Variants in SCD5 observed in about 807,000 individuals in gnomAD.
The protein encoded by SCD5 is acyl-CoA-desaturase 4.
A neutral mutation model predicts 30.4 loss-of-function variants in SCD5; 20 were observed. The observed-to-expected ratio is 0.66, with a 90% CI of 0.46 to 0.96. SCD5 has a LOEUF of 0.96. Ranked by LOEUF, SCD5 falls within the 40% of genes least tolerant of loss-of-function variation. SCD5 has a pLI of 0.00. For synonymous variants in SCD5, 173 were observed against 176.4 expected, an observed-to-expected ratio of 0.98 and a Z score of 0.16; for missense variants, 381 against 443.3, an observed-to-expected ratio of 0.86 and a Z score of 1.26.
intron 3 of SCD5, among the ~76,000 whole-genome samples, chr4:82,680,359 T>C (rs1171883244): frequency 6.6e-6 from 1 of 152,146 alleles, no homozygotes. Flanking sequence ...GTCACTAAAA[T>C]GAAGCCAGCC....
intron 3 of SCD5, among the ~76,000 whole-genome samples, chr4:82,645,639 G>A (rs925946144): frequency 9.2e-5 from 14 of 152,158 alleles, no homozygotes; most frequent in Admixed American, 8.5e-4. Context: ...TCTGGACAAG[G>A]AGTCCATTTT....
intron 1 of SCD5, among the ~76,000 whole-genome samples, chr4:82,746,972 G>C (rs563413174): frequency 6.8e-6 from 1 of 146,926 alleles, no homozygotes; most frequent in Admixed American, 6.8e-5. Flanking sequence ...GGGAGAGGAG[G>C]AACGGGGAAC....
At chr4:82,667,501 A>G (rs1326310885) in intron 3 of SCD5, among the ~76,000 whole-genome samples, 4 of 152,234 alleles carry the variant, frequency 2.6e-5, no homozygotes, top group Non-Finnish European at 5.9e-5. Context: ...ATGTTGAATC[A>G]TCTCTGTCTT....
intron 3 of SCD5, among the ~76,000 whole-genome samples, chr4:82,646,906 T>A (rs907954212): frequency 6.6e-6 from 1 of 152,132 alleles, no homozygotes; most frequent in African/African-American, 2.4e-5. Flanking sequence ...CACTGCAACC[T>A]CCGCTTCCTG....
Position 82,658,860 on chromosome 4 carries a change from G to A in SCD5, c.569+21847C>T, listed in dbSNP as rs534362952. On this transcript the variant is annotated intron_variant, in intron 3 of 4. Transcript: ENST00000319540. ...GCTGCTGGTCTCATCAAATGAGTTA[G>A]GGAGGAGTCCCTCTTTTTCTATTGT... Among the ~76,000 whole-genome samples, 11 of 152,144 alleles carry A rather than the reference G, an allele frequency of 7.2e-5. No individual in the cohort carries two copies. In the South Asian group the frequency reaches 2.1e-3, roughly 29 times the overall value.
At chr4:82,729,040 T>C (rs1367865094) in intron 1 of SCD5, among the ~76,000 whole-genome samples, 1 of 152,170 alleles carries the variant, frequency 6.6e-6, no homozygotes, top group African/African-American at 2.4e-5. Context: ...GAGAAAGGTA[T>C]AGAAGTGTTT....
chr4:82,712,293 TA>T lies in SCD5; in HGVS notation c.233-6881del, dbSNP rs1720123521. On this transcript the variant is annotated intron_variant, in intron 1 of 4. Coordinates refer to ENST00000319540, the MANE Select transcript of SCD5 (RefSeq NM_001037582.3). The stretch of plus-strand genomic sequence containing the variant: ...ATATATATATATATATATATATATA[TA>T]TATTTTATTTTTATTTTATTTTTTT... Among the ~76,000 whole-genome samples, 7 of 43,544 alleles carry T rather than the reference TA, an allele frequency of 1.6e-4. 1 individual carries two copies. Among genetic ancestry groups the T allele is most frequent in the African/African-American group, 4.0e-4 (4 of 10,106 alleles). The allele number at this position is 43,544 out of a possible 152,430, so 28.6% of individuals were successfully genotyped here. A position where few individuals can be genotyped will look rare whatever the true frequency, so the allele number is the denominator to read the frequency against.
intron 3 of SCD5, among the ~76,000 whole-genome samples, chr4:82,650,066 G>C (rs1727716401): frequency 6.6e-6 from 1 of 152,118 alleles, no homozygotes; most frequent in South Asian, 2.1e-4. Flanking sequence ...CTTCATCCCT[G>C]CTAAAGCTGT....
intron 3 of SCD5, among the ~76,000 whole-genome samples, chr4:82,653,711 G>GATAGATAGATAGAT (rs1553914420): frequency 0.016 from 2,286 of 147,348 alleles, 33 homozygotes; most frequent in South Asian, 0.056. Flanking sequence ...GATAGATATA[G>GATAGATAGATAGAT]ATAGATAGAT....
chr4:82,798,473 G>T lies in SCD5; in HGVS notation c.65C>A (p.Ala22Asp). ...GCCGCCCTCAGAGCTTTCGAGCCCG[G>T]CACGGATTTCTTCCTTGGCGTCGCA... is the stretch of plus-strand genomic sequence containing the variant. The part of the protein sequence containing the change: ...PFCDAKEEIR[A>D]GLESSEGGGG... The change falls in exon 1 of 5, where the codon GCC (alanine) becomes GAC (aspartate). Residue 22 changes from alanine (A) to aspartate (D), a missense_variant. By Grantham distance (126) the Ala-to-Asp change is moderately radical. Coordinates refer to ENST00000319540, the MANE Select transcript of SCD5 (RefSeq NM_001037582.3). 2 of 1,612,750 alleles carry T rather than the reference G, an allele frequency of 1.2e-6. No homozygotes were observed. The highest frequency in any genetic ancestry group is 3.3e-5 in the Admixed American group (2 of 59,950).
intron 2 of SCD5, among the ~76,000 whole-genome samples, chr4:82,702,710 C>G (rs1719879787): frequency 6.6e-6 from 1 of 152,114 alleles, no homozygotes; most frequent in African/African-American, 2.4e-5. Context: ...GAGAGAGAAT[C>G]TTTGAAACTA....
chr4:82,773,957 C>T (rs1352579774), intron 1 of SCD5, among the ~76,000 whole-genome samples: 3 of 151,874 alleles, frequency 2.0e-5, no homozygotes, highest in Admixed American at 6.6e-5. Flanking sequence ...GGCATGGTGG[C>T]GCATGCCTGT....
intron 3 of SCD5, among the ~76,000 whole-genome samples, chr4:82,679,211 A>AAGG (rs1553915586): frequency 1.2e-5 from 1 of 81,604 alleles, no homozygotes; most frequent in Non-Finnish European, 2.4e-5. Context: ...AAAAAAAAAA[A>AAGG]AAAGAAAGAA....
At chr4:82,795,809 CAAAAAAAAAAA>C (rs72115040) in intron 1 of SCD5, among the ~76,000 whole-genome samples, 2,502 of 43,946 alleles carry the variant, frequency 0.057, 95 homozygotes, top group African/African-American at 0.19. Flanking sequence ...CCCTGTCTCA[CAAAAAAAAAAA>C]AAAAAAAAAA....
intron 1 of SCD5, among the ~76,000 whole-genome samples, chr4:82,718,698 G>C (rs1430485414): frequency 6.6e-6 from 1 of 151,730 alleles, no homozygotes; most frequent in East Asian, 1.9e-4. Context: ...TCTCTAGTTA[G>C]GGACTGCATC....
rs140750150 is a variant in SCD5 at position 82,661,075 on chromosome 4, G to A, written c.569+19632C>T. 1.2e-4 allele frequency: 197 copies of A among 1,612,806 alleles called. No homozygotes were observed. The highest frequency in any genetic ancestry group is 2.2e-4 in the East Asian group (10 of 44,886). The stretch of plus-strand genomic sequence containing the variant: ...TCTTCCTTCTTTCTGGATGTGCTGT[G>A]TACTGATAAAAAATAAAGAAAATGA... On this transcript the variant is annotated intron_variant, in intron 3 of 4. Coordinates refer to ENST00000319540, the MANE Select transcript of SCD5 (RefSeq NM_001037582.3).
chr4:82,748,764 T>G (rs1286653676), intron 1 of SCD5, among the ~76,000 whole-genome samples: 1 of 152,216 alleles, frequency 6.6e-6, no homozygotes, highest in Non-Finnish European at 1.5e-5. Context: ...TTGCTGCATT[T>G]ATCAGTAGAC....
At chr4:82,753,391 AG>A (rs769415360) in intron 1 of SCD5, 1 of 533,420 alleles carries the variant, frequency 1.9e-6, no homozygotes, top group South Asian at 1.4e-5. Context: ...CAGCCTGAGT[AG>A]CCCAAGGTCA....
At chr4:82,764,004 A>T (rs1240035538) in intron 1 of SCD5, among the ~76,000 whole-genome samples, 1 of 151,858 alleles carries the variant, frequency 6.6e-6, no homozygotes, top group African/African-American at 2.4e-5. Flanking sequence ...ATCTTTTTCC[A>T]TCCTCCTATT....
Sources: gnomAD v4.1 joint callset for allele counts (sites outside exome capture counted in the v4.1 genomes callset) on GRCh38, gnomAD v4.1.1 for gene constraint, MANE v1.5 for transcripts, NCBI Gene and HGNC (gene_info 2026-07-23, HGNC 2026-07-21) for gene names.